The following ROBO2 variants were observed in gnomAD, a reference collection of about 807,000 sequenced individuals.
ROBO2 encodes the protein roundabout homolog 2.
ROBO2 carries 53 observed loss-of-function variants against 160.8 expected under a neutral mutation model. The ratio of observed to expected loss-of-function variants is 0.33; its 90% CI spans 0.26 to 0.41. The LOEUF (loss-of-function observed/expected upper bound fraction) is 0.41. Among genes scored for constraint, ROBO2 ranks in the 10% least tolerant of loss-of-function variants. The pLI, the probability that ROBO2 is intolerant of heterozygous loss-of-function variation, is 1.00. For missense variants in ROBO2, 1,577 were observed against 1,722.4 expected, an observed-to-expected ratio of 0.92 and a Z score of 1.49; for synonymous variants, 664 against 611.7, an observed-to-expected ratio of 1.09 and a Z score of -1.26.
At chr3:76,166,103 A>G (rs2072826157) in intron 2 of ROBO2, among the ~76,000 whole-genome samples, 1 of 152,086 alleles carries the variant, frequency 6.6e-6, no homozygotes, top group African/African-American at 2.4e-5. Flanking sequence ...AGCACATACT[A>G]TTGAAAAAAA....
intron 2 of ROBO2, among the ~76,000 whole-genome samples, chr3:76,840,597 G>T (rs1451286332): frequency 2.8e-5 from 4 of 142,980 alleles, no homozygotes; most frequent in African/African-American, 1.0e-4. Flanking sequence ...GCATCAGAGT[G>T]AGACTCTGTC....
intron 2 of ROBO2, among the ~76,000 whole-genome samples, chr3:76,196,417 T>C (rs1162304831): frequency 3.9e-5 from 6 of 152,160 alleles, no homozygotes; most frequent in African/African-American, 1.4e-4. Context: ...GAGAAACACA[T>C]ATATATTTCT....
chr3:77,519,503 C>T (rs1288134505), intron 5 of ROBO2, among the ~76,000 whole-genome samples: 1 of 150,860 alleles, frequency 6.6e-6, no homozygotes, highest in African/African-American at 2.4e-5. Flanking sequence ...GCCCTTAACC[C>T]CCTCCTTCTC....
At chr3:76,121,114 C>T (rs2070735940) in intron 2 of ROBO2, among the ~76,000 whole-genome samples, 1 of 152,116 alleles carries the variant, frequency 6.6e-6, no homozygotes, top group South Asian at 2.1e-4. Context: ...ATTATTGGGT[C>T]TCTAAAAGAG....
intron 2 of ROBO2, among the ~76,000 whole-genome samples, chr3:76,264,844 A>C (rs1707001031): frequency 6.6e-6 from 1 of 152,018 alleles, no homozygotes; most frequent in Middle Eastern, 3.2e-3. Flanking sequence ...GAGAACTCTG[A>C]TCTCTCCATT....
chr3:76,249,107 T>A (rs1234760521), intron 2 of ROBO2, among the ~76,000 whole-genome samples: 1 of 152,130 alleles, frequency 6.6e-6, no homozygotes, highest in African/African-American at 2.4e-5. Context: ...GTCTTCGTTA[T>A]TTTATAAGTA....
At chr3:77,368,758 T>C (rs1048845685) in intron 2 of ROBO2, among the ~76,000 whole-genome samples, 15 of 152,328 alleles carry the variant, frequency 9.8e-5, no homozygotes, top group Admixed American at 9.8e-4. Context: ...AAATTTGAAA[T>C]GTGAAAATTA....
intron 2 of ROBO2, among the ~76,000 whole-genome samples, chr3:76,457,183 C>G (rs771037404): frequency 6.6e-6 from 1 of 152,208 alleles, no homozygotes; most frequent in Non-Finnish European, 1.5e-5. Context: ...AAAGTCTCAT[C>G]TGAGACAAGT....
At chr3:76,123,718 G>T (rs2070847670) in intron 2 of ROBO2, among the ~76,000 whole-genome samples, 1 of 152,116 alleles carries the variant, frequency 6.6e-6, no homozygotes. Context: ...CCTTGAAGGA[G>T]TTCATTTTAC....
At chr3:76,323,265 C>T (rs1440411239) in intron 2 of ROBO2, among the ~76,000 whole-genome samples, 3 of 151,772 alleles carry the variant, frequency 2.0e-5, no homozygotes, top group Non-Finnish European at 4.4e-5. Context: ...TTATTTAATC[C>T]TGTGTCTCTA....
chr3:77,453,008 T>G (rs368379593), intron 2 of ROBO2, among the ~76,000 whole-genome samples: 3 of 152,270 alleles, frequency 2.0e-5, no homozygotes, highest in East Asian at 3.9e-4. Flanking sequence ...CTTCAGCTAC[T>G]ACATGGCTGA....
chr3:76,715,129 G>A (rs1293092029), intron 2 of ROBO2, among the ~76,000 whole-genome samples: 4 of 152,038 alleles, frequency 2.6e-5, no homozygotes, highest in Non-Finnish European at 5.9e-5. Flanking sequence ...CAGAGAAAGA[G>A]GTCTTTTTCC....
chr3:76,825,603 CAAA>C (rs201063990), intron 2 of ROBO2, among the ~76,000 whole-genome samples: 4 of 72,504 alleles, frequency 5.5e-5, no homozygotes, highest in Admixed American at 1.6e-4. Context: ...TCATCTTAGC[CAAA>C]AAAAAAAAAA....
At chr3:76,202,174 T>C (rs1702568923) in intron 2 of ROBO2, among the ~76,000 whole-genome samples, 1 of 152,210 alleles carries the variant, frequency 6.6e-6, no homozygotes, top group South Asian at 2.1e-4. Context: ...TATCGTGTTA[T>C]GCTTCACTTG....
intron 2 of ROBO2, among the ~76,000 whole-genome samples, chr3:77,135,006 A>G (rs996741437): frequency 9.9e-5 from 15 of 152,186 alleles, no homozygotes; most frequent in Non-Finnish European, 1.9e-4. Context: ...TAAACGAGCT[A>G]GAGAGATGAC....
intron 2 of ROBO2, among the ~76,000 whole-genome samples, chr3:75,982,889 A>G (rs867433189): frequency 1.3e-5 from 2 of 151,386 alleles, no homozygotes; most frequent in Admixed American, 6.6e-5. Context: ...GTGGTATTGA[A>G]TGGTTACTCT....
chr3:77,005,419 A>G (rs982233066), intron 2 of ROBO2, among the ~76,000 whole-genome samples: 3 of 152,172 alleles, frequency 2.0e-5, no homozygotes, highest in African/African-American at 7.2e-5. Context: ...GTTGTTCAAT[A>G]TGTTTTATAA....
intron 4 of ROBO2, among the ~76,000 whole-genome samples, chr3:77,490,256 GC>G (rs1369453056): frequency 1.3e-5 from 2 of 151,388 alleles, no homozygotes; most frequent in African/African-American, 2.4e-5. Context: ...GCCCGCCACC[GC>G]CCCAGCTAAT....
chr3:77,176,601 T>C (rs1038721306), intron 2 of ROBO2, among the ~76,000 whole-genome samples: 9 of 152,054 alleles, frequency 5.9e-5, no homozygotes, highest in African/African-American at 2.2e-4. Context: ...TTCCATTTTA[T>C]GAATTGATTC....
Sources: gnomAD v4.1 joint callset for allele counts (sites outside exome capture counted in the v4.1 genomes callset) on GRCh38, gnomAD v4.1.1 for gene constraint, MANE v1.5 for transcripts, NCBI Gene and HGNC (gene_info 2026-07-23, HGNC 2026-07-21) for gene names.